Variants in PHF10 observed in about 807,000 individuals in gnomAD.
PHF10 encodes the protein PHD finger protein 10, also known as BRG1-associated factor 45a.
PHF10 carries 51 observed loss-of-function variants against 68.5 expected under a neutral mutation model. The observed-to-expected ratio is 0.74, with a 90% confidence interval of 0.59 to 0.94. The LOEUF (loss-of-function observed/expected upper bound fraction) is 0.94. PHF10 is among the 40% of genes least tolerant of loss of function. The probability of loss-of-function intolerance (pLI) is 0.00; values close to 1 mark genes in which losing one functional copy is unlikely to be tolerated. For missense variants in PHF10, 460 were observed against 602.6 expected, an observed-to-expected ratio of 0.76 and a Z score of 2.48; for synonymous variants, 204 against 203.5, an observed-to-expected ratio of 1.00 and a Z score of -0.02.
intron 1 of PHF10, among the ~76,000 whole-genome samples, chr6:169,723,083 C>CGCACACG (rs1204407069): frequency 6.6e-6 from 1 of 152,228 alleles, no homozygotes; most frequent in African/African-American, 2.4e-5. Context: ...CCTGCCAACG[C>CGCACACG]GCACACGGCA....
chr6:169,717,697 T>C (rs568830102), intron 4 of PHF10, 126 bp downstream of exon 4: 1 of 581,282 alleles, frequency 1.7e-6, no homozygotes, highest in African/African-American at 1.9e-5. Flanking sequence ...AAGTAAATAA[T>C]GTAGCATTTA....
intron 6 of PHF10, among the ~76,000 whole-genome samples, 159 bp from the exon 7 acceptor site, chr6:169,715,001 C>T (rs549121979): frequency 6.6e-6 from 1 of 152,058 alleles, no homozygotes; most frequent in African/African-American, 2.4e-5. Context: ...ACAGTTGGTG[C>T]TTTCAGTTCT....
chr6:169,721,040 A>C lies in PHF10; in HGVS notation c.159T>G (p.Ser53Arg). The stretch of plus-strand genomic sequence containing the variant: ...GACTTGAAGTTTCACAACTCCTAGA[A>C]CTATCTCCTGAGCCCATTCGCCTCC... ...SKRRRMGSGD[S>R]SRSCETSSQD... Residue 53 changes from serine to arginine, a missense_variant, in exon 2 of 12, where the codon AGT becomes AGG. Transcript: ENST00000339209. 6.5e-7 allele frequency: 1 copy of C among 1,546,734 alleles called. No homozygotes were observed. Among genetic ancestry groups the C allele is most frequent in the Non-Finnish European group, 8.7e-7 (1 of 1,144,424 alleles).
At chr6:169,721,470 GC>G (rs1240573766) in intron 1 of PHF10, among the ~76,000 whole-genome samples, 20 of 152,306 alleles carry the variant, frequency 1.3e-4, no homozygotes, top group Non-Finnish European at 2.9e-4. Flanking sequence ...TCAACTTGAA[GC>G]CGGTTCATAG....
At position 169,717,205 on chromosome 6, in the gene PHF10, C is replaced by T. The variant is rs750182581; in HGVS notation, c.409+618G>A. Among the ~76,000 whole-genome samples the T allele has an allele frequency of 8.8e-4, 133 of 151,924 alleles. 2 individuals carry two copies. Among genetic ancestry groups the T allele is most frequent in the Non-Finnish European group, 1.0e-3 (68 of 68,004 alleles). On this transcript the variant is annotated intron_variant, in intron 4 of 11. Transcript: ENST00000339209. ...TGGAGGTTGCAGTGAGCTAAGATCG[C>T]GCCACTGCATGCCAGCCTGGACAAC...
At chr6:169,722,920 G>A (rs1487206093) in intron 1 of PHF10, among the ~76,000 whole-genome samples, 1 of 152,232 alleles carries the variant, frequency 6.6e-6, no homozygotes, top group Non-Finnish European at 1.5e-5. Flanking sequence ...GGAAGTGCAA[G>A]GATGTGCATT....
intron 1 of PHF10, 30 bp downstream of exon 1, chr6:169,723,803 CGGGACGGGGTCA>C: frequency 3.0e-6 from 2 of 677,754 alleles, no homozygotes; most frequent in Non-Finnish European, 3.9e-6. Context: ...CACCCAGGCC[CGGGACGGGGTCA>C]GGGTCGGGTC....
In PHF10 at chr6:169,720,987, C is replaced by A. The variant is rs1789162958; in HGVS notation, c.194+18G>T. 7.4e-7 allele frequency: 1 copy of A among 1,347,792 alleles called. No homozygotes were observed. Among genetic ancestry groups the A allele is most frequent in the Non-Finnish European group, 1.0e-6 (1 of 964,528 alleles). 83.5% of individuals were successfully genotyped at this position (1,347,792 alleles called of 1,614,324 possible). A position where few individuals can be genotyped will look rare whatever the true frequency, so the allele number is the denominator to read the frequency against. On this transcript the variant is annotated intron_variant, in intron 2 of 11. Coordinates refer to ENST00000339209, the MANE Select transcript of PHF10 (RefSeq NM_018288.4). ...GGAACATCACAAAAAATATTAATAACCGATAAAATGACAGTACCCAAGATC... is the reference window on the plus strand; with the variant it reads ...GGAACATCACAAAAAATATTAATAAACGATAAAATGACAGTACCCAAGATC...
chr6:169,716,608 T>C (rs1054958706), intron 4 of PHF10, among the ~76,000 whole-genome samples: 2 of 152,040 alleles, frequency 1.3e-5, no homozygotes, highest in Non-Finnish European at 2.9e-5. Context: ...TTCCCAAGAA[T>C]TTATATAAAA....
intron 7 of PHF10, among the ~76,000 whole-genome samples, chr6:169,714,529 G>C (rs1444828706): frequency 6.6e-6 from 1 of 152,178 alleles, no homozygotes; most frequent in African/African-American, 2.4e-5. Flanking sequence ...AGAGACAGAG[G>C]CATCTAGACT....
In PHF10 at chr6:169,705,116, C is replaced by CT; in HGVS notation, c.1411+16dup. On this transcript the variant is annotated intron_variant, in intron 11 of 11. Transcript: ENST00000339209. ...TCATCACCCAAAGATAATGTTTGCT[C>CT]TTTTTTTAATCTTTACCTGATGGAA... The CT allele has an allele frequency of 6.4e-7, 1 of 1,571,682 alleles. No homozygotes were observed. Among genetic ancestry groups the CT allele is most frequent in the Non-Finnish European group, 8.6e-7 (1 of 1,156,376 alleles).
chr6:169,709,993 GA>G (rs944657899), intron 9 of PHF10: 67 of 279,342 alleles, frequency 2.4e-4, no homozygotes, highest in East Asian at 5.6e-4. Context: ...TTCTTTCAAA[GA>G]AAAAAAAAGA....
chr6:169,705,842 T>C (rs1008984554), intron 9 of PHF10, 118 bp from the exon 10 acceptor site: 1 of 658,540 alleles, frequency 1.5e-6, no homozygotes, highest in South Asian at 1.8e-5. Context: ...ATGAGGACCA[T>C]TTTGAAAGAC....
chr6:169,703,916 A>C lies in PHF10; in HGVS notation c.*87T>G. 1 of 1,126,892 alleles carries C rather than the reference A, an allele frequency of 8.9e-7. No homozygotes were observed. Among genetic ancestry groups the C allele is most frequent in the South Asian group, 1.6e-5 (1 of 63,112 alleles). The allele number at this position is 1,126,892 out of a possible 1,614,324, so 69.8% of individuals were successfully genotyped here. Reference sequence around the variant, plus strand: ...TTTTAAGCTCATAATTTGCAAAAAAAATCTTTTATTGGCATGAAAATAATG... The same window carrying C: ...TTTTAAGCTCATAATTTGCAAAAAACATCTTTTATTGGCATGAAAATAATG... On this transcript the variant is annotated 3_prime_UTR_variant, in exon 12 of 12. Transcript: ENST00000339209.
At chr6:169,712,838 T>G (rs892765930) in intron 7 of PHF10, among the ~76,000 whole-genome samples, 1 of 152,214 alleles carries the variant, frequency 6.6e-6, no homozygotes, top group Admixed American at 6.5e-5. Flanking sequence ...CAAGTCTGGC[T>G]GCCAGCTCAC....
intron 1 of PHF10, among the ~76,000 whole-genome samples, chr6:169,721,685 T>A (rs1365418429): frequency 2.1e-5 from 3 of 144,858 alleles, no homozygotes; most frequent in South Asian, 2.3e-4. Context: ...ATTTTTTTTT[T>A]AAAGAAGATT....
At chr6:169,717,657 T>C (rs2128330822) in intron 4 of PHF10, 166 bp downstream of exon 4, 1 of 530,426 alleles carries the variant, frequency 1.9e-6, no homozygotes, top group Non-Finnish European at 3.4e-6. Flanking sequence ...AGCTTCATTC[T>C]CCTGTGTATT....
rs1261783151 is a variant in PHF10, at chr6:169,704,000, A to G, written c.*3T>C. ...ATATACAGTATTAGAGTCAAAAACTATTTTATCCCTCTTTGCTGTTTTTCC... is the reference window on the plus strand; with the variant it reads ...ATATACAGTATTAGAGTCAAAAACTGTTTTATCCCTCTTTGCTGTTTTTCC... On this transcript the variant is annotated 3_prime_UTR_variant, in exon 12 of 12. Transcript: ENST00000339209. 6.3e-7 allele frequency: 1 copy of G among 1,597,338 alleles called. No individual in the cohort carries two copies. Among genetic ancestry groups the G allele is most frequent in the Non-Finnish European group, 8.5e-7 (1 of 1,173,444 alleles).
chr6:169,714,596 A>G, intron 7 of PHF10, 137 bp downstream of exon 7: 1 of 654,628 alleles, frequency 1.5e-6, no homozygotes, highest in Non-Finnish European at 2.8e-6. Context: ...AGAACCAGAG[A>G]AGAATAGCAA....
Sources: gnomAD v4.1 joint callset for allele counts (sites outside exome capture counted in the v4.1 genomes callset) on GRCh38, gnomAD v4.1.1 for gene constraint, MANE v1.5 for transcripts, NCBI Gene and HGNC (gene_info 2026-07-23, HGNC 2026-07-21) for gene names.